Variants in GMFG observed in about 807,000 individuals in gnomAD.
GMFG encodes the protein glia maturation factor gamma.
Under a neutral mutation model 26.1 loss-of-function variants are expected in GMFG, and 21 were observed. The ratio of observed to expected loss-of-function variants is 0.80; its 90% CI spans 0.57 to 1.16. GMFG has a LOEUF of 1.16. GMFG is among the 50% of genes most tolerant of loss of function. The pLI is 0.00. For synonymous variants in GMFG, 65 were observed against 60.8 expected (o/e 1.07, Z -0.32); for missense variants, 161 against 178.3 (o/e 0.90, Z 0.55).
intron 1 of GMFG, 100 bp downstream of exon 1, chr19:39,335,874 C>A (rs987579081): frequency 2.4e-6 from 2 of 836,096 alleles, no homozygotes; most frequent in Non-Finnish European, 4.1e-6. Flanking sequence ...CTTCCCGGCC[C>A]GTGACCTCCA....
At chr19:39,331,295 C>A (rs569143207) in intron 4 of GMFG, among the ~76,000 whole-genome samples, 1 of 152,302 alleles carries the variant, frequency 6.6e-6, no homozygotes, top group African/African-American at 2.4e-5. Context: ...CAAACCCCAG[C>A]ACATTTGTGT....
rs2075243732 is a variant in GMFG at position 39,335,142 on chromosome 19, T to C, written c.150+119A>G. 10 of 781,988 alleles carry C rather than the reference T, an allele frequency of 1.3e-5. No homozygotes were observed. In the South Asian group the frequency reaches 1.7e-4, roughly 13 times the overall value. 48.4% of individuals were successfully genotyped at this position (781,988 alleles called of 1,614,324 possible). A position where few individuals can be genotyped will look rare whatever the true frequency, so the allele number is the denominator to read the frequency against. On this transcript the variant is annotated intron_variant, in intron 3 of 6. Coordinates refer to ENST00000597595, the MANE Select transcript of GMFG (RefSeq NM_004877.4). ...CTGGGATTACAGGCATGAGCCACTG[T>C]GCTCGGCCAATCTCCAGGTCTTTCT...
intron 4 of GMFG, among the ~76,000 whole-genome samples, chr19:39,332,257 G>A (rs972321707): frequency 6.6e-6 from 1 of 151,608 alleles, no homozygotes; most frequent in Non-Finnish European, 1.5e-5. Context: ...TTGAACCCAG[G>A]AGGCGGAGGT....
intron 3 of GMFG, among the ~76,000 whole-genome samples, chr19:39,334,676 C>A (rs1187302670): frequency 6.6e-6 from 1 of 152,110 alleles, no homozygotes. Flanking sequence ...AGTGCCAGGC[C>A]TTGTTCTAAA....
At position 39,335,981 on chromosome 19, in the gene GMFG, G is replaced by T; in HGVS notation, c.-5C>A. 6.3e-7 allele frequency: 1 copy of T among 1,599,926 alleles called. No homozygotes were observed. Among genetic ancestry groups the T allele is most frequent in the Non-Finnish European group, 8.6e-7 (1 of 1,167,270 alleles). On this transcript the variant is annotated 5_prime_UTR_variant, in exon 1 of 7. Coordinates refer to ENST00000597595, the MANE Select transcript of GMFG (RefSeq NM_004877.4). Reference sequence around the variant, plus strand: ...GAACCCCTGGCCCCTGACCATGATTGTTCTGTCCACAGGCCTCTTCTTTTC... The same window carrying T: ...GAACCCCTGGCCCCTGACCATGATTTTTCTGTCCACAGGCCTCTTCTTTTC...
intron 4 of GMFG, among the ~76,000 whole-genome samples, chr19:39,332,463 T>C (rs895261483): frequency 6.7e-6 from 1 of 150,316 alleles, no homozygotes; most frequent in African/African-American, 2.5e-5. Flanking sequence ...TCATAGTACC[T>C]GGCCAAAATT....
intron 1 of GMFG, 76 bp from the exon 2 acceptor site, chr19:39,335,607 C>G (rs1479520440): frequency 1.0e-6 from 1 of 989,836 alleles, no homozygotes; most frequent in Non-Finnish European, 1.6e-6. Context: ...GTTTCTCCAT[C>G]CACTAATGAA....
Position 39,335,258 on chromosome 19 carries a change from C to T in GMFG, c.150+3G>A. The T allele has an allele frequency of 6.4e-7, 1 of 1,556,166 alleles. No homozygotes were observed. The highest frequency in any genetic ancestry group is 2.2e-5 in the East Asian group (1 of 44,494). On this transcript the variant is annotated splice_donor_region_variant and intron_variant, in intron 3 of 6. Coordinates refer to ENST00000597595, the MANE Select transcript of GMFG (RefSeq NM_004877.4). ...CCCAGTCCCAATCACCCCAGCCCAT[C>T]ACCTGAAATTCTTCCTCCAGCACCA...
chr19:39,330,243 C>T (rs920308443), intron 4 of GMFG, among the ~76,000 whole-genome samples: 1 of 152,036 alleles, frequency 6.6e-6, no homozygotes, highest in Non-Finnish European at 1.5e-5. Flanking sequence ...TGAATGCCAG[C>T]GTGTAAGTTC....
chr19:39,335,720 C>A (rs1185146164), intron 1 of GMFG, among the ~76,000 whole-genome samples, 189 bp from the exon 2 acceptor site: 1 of 152,160 alleles, frequency 6.6e-6, no homozygotes, highest in Non-Finnish European at 1.5e-5. Context: ...GCTTGGGGGG[C>A]GGAGCAGAGG....
intron 3 of GMFG, among the ~76,000 whole-genome samples, chr19:39,335,006 T>C (rs557019900): frequency 6.6e-6 from 1 of 152,122 alleles, no homozygotes; most frequent in South Asian, 2.1e-4. Flanking sequence ...CCCACCACCA[T>C]GCCTAGCTAA....
rs750367633 is a variant in GMFG, at chr19:39,335,266, A to G, written c.145T>C (p.Phe49Leu). Reference protein sequence around the residue: ...DRQMVVLEEEFQNISPEELKM... With the variant: ...DRQMVVLEEELQNISPEELKM... The stretch of plus-strand genomic sequence containing the variant: ...CAATCACCCCAGCCCATCACCTGAA[A>G]TTCTTCCTCCAGCACCACCATCTGC... Residue 49 changes from phenylalanine (F) to leucine (L), a missense_variant, in exon 3 of 7, where the codon TTT becomes CTT. By Grantham distance (22) the Phe-to-Leu change is conservative. Coordinates refer to ENST00000597595, the MANE Select transcript of GMFG (RefSeq NM_004877.4). 10 of 1,557,228 alleles carry G rather than the reference A, an allele frequency of 6.4e-6. No homozygotes were observed. Among genetic ancestry groups the G allele is most frequent in the Non-Finnish European group, 8.7e-6 (10 of 1,150,924 alleles).
At position 39,333,058 on chromosome 19, in the gene GMFG, C is replaced by T; in HGVS notation, c.200+19G>A. On this transcript the variant is annotated intron_variant, in intron 4 of 6. Coordinates refer to ENST00000597595, the MANE Select transcript of GMFG (RefSeq NM_004877.4). ...CCTCCCCTCATGGCCTGATCCAACC[C>T]TTTCTTCCCCCAGGATACCTGGGCT... The T allele has an allele frequency of 1.3e-6, 2 of 1,582,134 alleles. No individual in the cohort carries two copies. The highest frequency in any genetic ancestry group is 1.7e-6 in the Non-Finnish European group (2 of 1,153,600).
intron 4 of GMFG, among the ~76,000 whole-genome samples, chr19:39,331,838 C>A (rs1216817737): frequency 6.6e-6 from 1 of 152,002 alleles, no homozygotes; most frequent in Non-Finnish European, 1.5e-5. Context: ...AAAGTGTTCC[C>A]AAACATTGAA....
At chr19:39,330,357 G>T (rs2075221527) in intron 4 of GMFG, among the ~76,000 whole-genome samples, 1 of 152,128 alleles carries the variant, frequency 6.6e-6, no homozygotes, top group Non-Finnish European at 1.5e-5. Flanking sequence ...AAAATGTGGG[G>T]CATCTTGTTC....
rs1389282010 is a variant in GMFG, at chr19:39,329,067, T to G, written c.290A>C (p.Lys97Thr). ...TGCATACATCATCTGTTGTTCCGGC[T>G]TGCAGCCTGCGTGGAAAAGAGGAGA... ...CFIFSSPVGC[K>T]PEQQMMYAGS... Residue 97 changes from lysine to threonine, a missense_variant, in exon 6 of 7, where the codon AAG becomes ACG. By Grantham distance (78) the Lys-to-Thr change is moderately conservative. Transcript: ENST00000597595. 1.9e-6 allele frequency: 3 copies of G among 1,612,596 alleles called. No individual in the cohort carries two copies. The highest frequency in any genetic ancestry group is 2.5e-6 in the Non-Finnish European group (3 of 1,178,756).
At chr19:39,332,656 CTT>C (rs59277772) in intron 4 of GMFG, among the ~76,000 whole-genome samples, 2 of 111,292 alleles carry the variant, frequency 1.8e-5, no homozygotes, top group Admixed American at 1.1e-4. Flanking sequence ...CACAGAGATT[CTT>C]TTTTTTTTTT....
At chr19:39,335,913 C>G in intron 1 of GMFG, 61 bp downstream of exon 1, 1 of 1,184,472 alleles carries the variant, frequency 8.4e-7, no homozygotes, top group Non-Finnish European at 1.3e-6. Flanking sequence ...GCCCAGGTGT[C>G]CTCCAAGCCC....
At chr19:39,332,415 G>C (rs972080173) in intron 4 of GMFG, among the ~76,000 whole-genome samples, 1 of 150,760 alleles carries the variant, frequency 6.6e-6, no homozygotes, top group African/African-American at 2.4e-5. Context: ...TGATCCTCCC[G>C]CCTCAGGCTC....
Sources: gnomAD v4.1 joint callset for allele counts (sites outside exome capture counted in the v4.1 genomes callset) on GRCh38, gnomAD v4.1.1 for gene constraint, MANE v1.5 for transcripts, NCBI Gene and HGNC (gene_info 2026-07-23, HGNC 2026-07-21) for gene names.